Variants in NWD2 observed in about 807,000 individuals in gnomAD.
NWD2 encodes the protein NACHT and WD repeat domain containing 2, also known as NACHT and WD repeat domain-containing protein 2.
A neutral mutation model predicts 132.7 loss-of-function variants in NWD2; 37 were observed. The observed-to-expected ratio is 0.28, with a 90% CI of 0.21 to 0.37. NWD2 has a LOEUF of 0.37. Ranked by LOEUF, NWD2 falls within the 10% of genes least tolerant of loss-of-function variation. NWD2 has a pLI of 1.00. For missense variants in NWD2, 1,592 were observed against 2,122.4 expected (o/e 0.75, Z 4.91); for synonymous variants, 705 against 803.0 (o/e 0.88, Z 2.06).
chr4:37,433,709 A>C (rs1236587149), intron 4 of NWD2, among the ~76,000 whole-genome samples, 167 bp from the exon 5 acceptor site: 1 of 152,184 alleles, frequency 6.6e-6, no homozygotes, highest in Non-Finnish European at 1.5e-5. Context: ...CACAGAAATA[A>C]TTTCTAACTT....
chr4:37,444,524 A>G lies in NWD2; in HGVS notation c.2536A>G (p.Lys846Glu). ...ELLYHLTRCG[K>E]TDDLLYGIIM... The stretch of plus-strand genomic sequence containing the variant: ...GTTGTACCACTTGACGAGGTGTGGA[A>G]AAACCGATGACCTGCTTTACGGCAT... The change falls in exon 7 of 7, where the codon AAA (lysine) becomes GAA (glutamate). Residue 846 changes from lysine (K) to glutamate (E), a missense_variant. Coordinates refer to ENST00000309447, the MANE Select transcript of NWD2 (RefSeq NM_001144990.2). This position sits in a 1 kb window ranked among gnomAD's most constrained non-coding sequence, Gnocchi z 4.8. 5 of 1,551,784 alleles carry G rather than the reference A, an allele frequency of 3.2e-6. No individual in the cohort carries two copies. The highest frequency in any genetic ancestry group is 4.4e-6 in the Non-Finnish European group (5 of 1,147,018).
intron 1 of NWD2, among the ~76,000 whole-genome samples, chr4:37,291,726 C>T (rs1255746494): frequency 1.3e-5 from 2 of 151,932 alleles, no homozygotes; most frequent in African/African-American, 2.4e-5. Flanking sequence ...TTTTGTTTTG[C>T]TATATCTGTG....
At chr4:37,433,283 T>C (rs945645647) in intron 4 of NWD2, among the ~76,000 whole-genome samples, 1 of 152,206 alleles carries the variant, frequency 6.6e-6, no homozygotes, top group African/African-American at 2.4e-5. Context: ...TTCTCATATG[T>C]TACTATTTAA....
chr4:37,390,441 A>G (rs1720661377), intron 3 of NWD2, among the ~76,000 whole-genome samples: 1 of 151,246 alleles, frequency 6.6e-6, no homozygotes, highest in Admixed American at 6.6e-5. Flanking sequence ...TATTTTTAAA[A>G]TATTCAGAAA....
intron 1 of NWD2, among the ~76,000 whole-genome samples, chr4:37,317,311 G>C (rs1718977736): frequency 6.6e-6 from 1 of 152,152 alleles, no homozygotes; most frequent in Admixed American, 6.5e-5. Flanking sequence ...CCCACCACAG[G>C]AATTTGTGGA....
chr4:37,423,301 T>C (rs545548557), intron 3 of NWD2, among the ~76,000 whole-genome samples: 1 of 152,338 alleles, frequency 6.6e-6, no homozygotes, highest in Non-Finnish European at 1.5e-5. Flanking sequence ...CTTGTCATTA[T>C]TATTTTGCAA....
In NWD2 at chr4:37,446,540, C is replaced by A. The variant is rs1281962371; in HGVS notation, c.4552C>A (p.Gln1518Lys). ...AGATGAAGTGATCTGTCGGCGCGTG[C>A]AACTTCCAAACAACTTCTTGAAAAA... ...LTDEVICRRV[Q>K]LPNNFLKNLE... Residue 1518 changes from glutamine (Q) to lysine (K), a missense_variant, in exon 7 of 7, where the codon CAA becomes AAA. Physicochemically the swap from Gln to Lys is moderately conservative, Grantham distance 53 (BLOSUM62 1). Around this residue, in one of 7 missense-constraint regions of NWD2, gnomAD observed 257 missense variants for 335.0 expected, o/e 0.77. Coordinates refer to ENST00000309447, the MANE Select transcript of NWD2 (RefSeq NM_001144990.2). This position sits in a 1 kb window ranked among gnomAD's most constrained non-coding sequence, Gnocchi z 6.7. 1 of 1,551,738 alleles carries A rather than the reference C, an allele frequency of 6.4e-7. No homozygotes were observed. The highest frequency in any genetic ancestry group is 1.2e-5 in the South Asian group (1 of 84,056).
chr4:37,304,694 C>T (rs778713675), intron 1 of NWD2, among the ~76,000 whole-genome samples: 4 of 152,174 alleles, frequency 2.6e-5, no homozygotes, highest in Non-Finnish European at 5.9e-5. Context: ...ATCTTTGACC[C>T]CAGGCCACAC....
At chr4:37,284,521 G>A (rs951464419) in intron 1 of NWD2, among the ~76,000 whole-genome samples, 5 of 152,212 alleles carry the variant, frequency 3.3e-5, no homozygotes, top group Non-Finnish European at 4.4e-5. Flanking sequence ...TCCAGTGCCT[G>A]TTGGAGTCCC....
At chr4:37,263,412 A>G (rs1360006775) in intron 1 of NWD2, among the ~76,000 whole-genome samples, 1 of 152,122 alleles carries the variant, frequency 6.6e-6, no homozygotes, top group Admixed American at 6.5e-5. Context: ...TCAACAGTAG[A>G]GCAAAGATTG....
chr4:37,245,536 C>G (rs1418575475), intron 1 of NWD2, among the ~76,000 whole-genome samples: 2 of 147,876 alleles, frequency 1.4e-5, no homozygotes, highest in African/African-American at 4.9e-5. Context: ...ACCACCACCT[C>G]CTGTCCCCCG....
chr4:37,447,439 ATGG>A lies in NWD2; in HGVS notation c.*224_*226del, dbSNP rs1712670221. On this transcript the variant is annotated 3_prime_UTR_variant, in exon 7 of 7. Transcript: ENST00000309447. The stretch of plus-strand genomic sequence containing the variant: ...CAGAATTTCTAGTAGTAATATTTAA[ATGG>A]TTACTTCATCTGAAAGGCAGAGGCT... 7.3e-6 allele frequency: 4 copies of A among 551,152 alleles called. No individual in the cohort carries two copies. 34.1% of individuals were successfully genotyped at this position (551,152 alleles called of 1,614,324 possible). A position where few individuals can be genotyped will look rare whatever the true frequency, so the allele number is the denominator to read the frequency against.
At chr4:37,384,114 C>T (rs1025810387) in intron 3 of NWD2, among the ~76,000 whole-genome samples, 2 of 152,154 alleles carry the variant, frequency 1.3e-5, no homozygotes, top group African/African-American at 4.8e-5. Flanking sequence ...TCTCCCTCCC[C>T]ACGTCTGATT....
chr4:37,334,546 C>G (rs999435796), intron 2 of NWD2, among the ~76,000 whole-genome samples: 12 of 152,190 alleles, frequency 7.9e-5, no homozygotes, highest in Middle Eastern at 3.2e-3. Flanking sequence ...CCTAGCTTTC[C>G]CAAGACATCT....
intron 3 of NWD2, among the ~76,000 whole-genome samples, chr4:37,406,627 G>A (rs537170367): frequency 6.6e-6 from 1 of 152,268 alleles, no homozygotes; most frequent in African/African-American, 2.4e-5. Context: ...AATGAGTGTG[G>A]TGGCTCACAC....
At chr4:37,343,182 T>C (rs907997653) in intron 2 of NWD2, among the ~76,000 whole-genome samples, 4 of 152,214 alleles carry the variant, frequency 2.6e-5, no homozygotes, top group African/African-American at 9.6e-5. Context: ...TTTTAAGACT[T>C]CTCTGCTTAC....
chr4:37,348,490 C>T (rs1229095487), intron 2 of NWD2, among the ~76,000 whole-genome samples: 1 of 151,194 alleles, frequency 6.6e-6, no homozygotes, highest in East Asian at 1.9e-4. Flanking sequence ...ATGGTGACCA[C>T]ACCCATGGGT....
At chr4:37,403,387 G>T (rs1401591509) in intron 3 of NWD2, among the ~76,000 whole-genome samples, 1 of 152,126 alleles carries the variant, frequency 6.6e-6, no homozygotes, top group African/African-American at 2.4e-5. Flanking sequence ...GAACATGAAG[G>T]GTCCAGAATA....
At chr4:37,361,115 AAT>A (rs1056993060) in intron 3 of NWD2, among the ~76,000 whole-genome samples, 5 of 152,186 alleles carry the variant, frequency 3.3e-5, no homozygotes, top group African/African-American at 1.2e-4. Context: ...ACAACCTCCC[AAT>A]ATTGAACAAG....
Sources: gnomAD v4.1 joint callset for allele counts (sites outside exome capture counted in the v4.1 genomes callset) on GRCh38, gnomAD v4.1.1 for gene constraint, gnomAD v4.1.1 regional missense constraint, Gnocchi (gnomAD v3.1) non-coding constraint, MANE v1.5 for transcripts, NCBI Gene and HGNC (gene_info 2026-07-23, HGNC 2026-07-21) for gene names.